STPG2: variants seen among roughly 807,000 people sequenced by gnomAD.
STPG2 encodes the protein sperm tail PG-rich repeat containing 2.
In STPG2, 56 loss-of-function variants were observed where a neutral mutation model predicts 54.2. The ratio of observed to expected loss-of-function variants is 1.03; its 90% CI spans 0.83 to 1.29. STPG2 has a LOEUF of 1.29. Among genes scored for constraint, STPG2 ranks in the 50% most tolerant of loss-of-function variants. STPG2 has a pLI of 0.00. For missense variants in STPG2, 596 were observed against 544.9 expected, an observed-to-expected ratio of 1.09 and a Z score of -0.93; for synonymous variants, 200 against 181.8, an observed-to-expected ratio of 1.10 and a Z score of -0.81.
chr4:97,534,612 TA>T (rs1309106022), intron 4 of STPG2, among the ~76,000 whole-genome samples: 1 of 152,218 alleles, frequency 6.6e-6, no homozygotes, highest in African/African-American at 2.4e-5. Context: ...GTTCTCTTTT[TA>T]AAATTTTCAT....
chr4:97,911,406 G>A (rs1157416252), intron 8 of STPG2, among the ~76,000 whole-genome samples: 1 of 152,164 alleles, frequency 6.6e-6, no homozygotes, highest in Non-Finnish European at 1.5e-5. Flanking sequence ...CAGACGCCCA[G>A]TGGCAATAGG....
intron 9 of STPG2, among the ~76,000 whole-genome samples, chr4:97,721,514 C>A (rs1404468799): frequency 2.0e-5 from 3 of 151,856 alleles, no homozygotes; most frequent in Non-Finnish European, 2.9e-5. Flanking sequence ...TCACTAATGT[C>A]CATTGTTAGT....
chr4:98,085,251 T>A (rs1738470180), intron 5 of STPG2, among the ~76,000 whole-genome samples: 1 of 152,118 alleles, frequency 6.6e-6, no homozygotes. Flanking sequence ...TTAACCTGTA[T>A]GTGTGCATCT....
intron 9 of STPG2, among the ~76,000 whole-genome samples, chr4:97,838,574 G>T (rs1044829024): frequency 1.3e-5 from 2 of 151,248 alleles, no homozygotes; most frequent in African/African-American, 4.8e-5. Context: ...TCTATTTAGA[G>T]ACTTGATAAT....
At chr4:97,888,424 C>A (rs1171827181) in intron 8 of STPG2, among the ~76,000 whole-genome samples, 1 of 152,210 alleles carries the variant, frequency 6.6e-6, no homozygotes, top group Non-Finnish European at 1.5e-5. Context: ...GGAGGTGAGA[C>A]ATAGAGTCAA....
At chr4:97,957,574 T>C (rs1041689304) in intron 7 of STPG2, among the ~76,000 whole-genome samples, 1 of 151,966 alleles carries the variant, frequency 6.6e-6, no homozygotes, top group African/African-American at 2.4e-5. Flanking sequence ...AAAAAACACC[T>C]GGGAAATTCA....
chr4:97,660,261 G>C (rs949043554), intron 10 of STPG2, among the ~76,000 whole-genome samples: 1 of 152,116 alleles, frequency 6.6e-6, no homozygotes, highest in Admixed American at 6.5e-5. Flanking sequence ...TCGGCTTCCC[G>C]AAGTGCTGGG....
chr4:98,082,720 G>A (rs1285291549), intron 5 of STPG2, among the ~76,000 whole-genome samples: 1 of 151,784 alleles, frequency 6.6e-6, no homozygotes, highest in Non-Finnish European at 1.5e-5. Flanking sequence ...CCAAAGTGCT[G>A]GGATTACAGG....
At chr4:97,523,243 G>T (rs558842951) in intron 4 of STPG2, among the ~76,000 whole-genome samples, 1 of 151,926 alleles carries the variant, frequency 6.6e-6, no homozygotes, top group South Asian at 2.1e-4. Context: ...ATATCAGATA[G>T]ATTTGGATTG....
chr4:97,733,944 C>T (rs568228627), intron 9 of STPG2, among the ~76,000 whole-genome samples: 7 of 152,168 alleles, frequency 4.6e-5, no homozygotes, highest in Non-Finnish European at 1.0e-4. Context: ...AAAATCATGC[C>T]ATCTGAAAGC....
chr4:97,950,295 T>C (rs1449750932), intron 7 of STPG2, among the ~76,000 whole-genome samples: 1 of 152,148 alleles, frequency 6.6e-6, no homozygotes, highest in East Asian at 1.9e-4. Flanking sequence ...TGTTCATTTC[T>C]GTTCTTTATT....
chr4:97,576,895 G>A (rs920357828), intron 10 of STPG2, among the ~76,000 whole-genome samples: 1 of 151,964 alleles, frequency 6.6e-6, no homozygotes, highest in African/African-American at 2.4e-5. Flanking sequence ...TTAAACAATT[G>A]AACAAGTAAA....
rs138178655 is a variant in STPG2 at position 97,928,842 on chromosome 4, TTTTA to T, written c.1044+15051_1044+15054del. Among the ~76,000 whole-genome samples the T allele has an allele frequency of 7.7e-3, 1,171 of 152,288 alleles. 24 individuals carry two copies. Among genetic ancestry groups the T allele is most frequent in the East Asian group, 0.051 (267 of 5,190 alleles). On this transcript the variant is annotated intron_variant, in intron 8 of 10. Transcript: ENST00000295268. ...TATTCTGTCTTATAATTAAGTCTTC[TTTTA>T]TTTGTGTAGTTGATTTAAAATAAAC...
chr4:98,049,682 C>G (rs528024207), intron 5 of STPG2, among the ~76,000 whole-genome samples: 1 of 152,186 alleles, frequency 6.6e-6, no homozygotes, highest in Non-Finnish European at 1.5e-5. Flanking sequence ...ACAGTTCCAA[C>G]AGTAAACAGT....
At chr4:97,782,848 A>T (rs911198905) in intron 9 of STPG2, among the ~76,000 whole-genome samples, 5 of 152,238 alleles carry the variant, frequency 3.3e-5, no homozygotes, top group African/African-American at 1.2e-4. Flanking sequence ...CCTATTTAAT[A>T]AATGGTGCTG....
intron 8 of STPG2, among the ~76,000 whole-genome samples, chr4:97,908,824 A>G (rs1447171631): frequency 1.5e-5 from 2 of 135,528 alleles, no homozygotes; most frequent in Non-Finnish European, 3.1e-5. Context: ...ATGAGAACAC[A>G]TGGACACGGG....
intron 8 of STPG2, among the ~76,000 whole-genome samples, chr4:97,903,205 T>C (rs1731246383): frequency 6.6e-6 from 1 of 152,096 alleles, no homozygotes; most frequent in Non-Finnish European, 1.5e-5. Context: ...AGAATAGATC[T>C]CAATTATTCT....
At chr4:98,121,463 A>G (rs1361716095) in intron 3 of STPG2, among the ~76,000 whole-genome samples, 1 of 147,366 alleles carries the variant, frequency 6.8e-6, no homozygotes, top group Non-Finnish European at 1.5e-5. Flanking sequence ...CATTGAATCT[A>G]TAAATTACTT....
chr4:97,784,832 G>C (rs1726774316), intron 9 of STPG2, among the ~76,000 whole-genome samples: 1 of 151,996 alleles, frequency 6.6e-6, no homozygotes, highest in Non-Finnish European at 1.5e-5. Context: ...ATTCTTGTTA[G>C]ATGTTTTAGT....
Sources: allele counts gnomAD v4.1 joint callset (sites outside exome capture counted in the v4.1 genomes callset), GRCh38; gene constraint gnomAD v4.1.1; transcripts MANE v1.5; gene names NCBI Gene and HGNC (gene_info 2026-07-23, HGNC 2026-07-21).